Variants in PHC1 observed in about 807,000 individuals in gnomAD.
The protein encoded by PHC1 is polyhomeotic homolog 1.
Under a neutral mutation model 104.3 loss-of-function variants are expected in PHC1, and 12 were observed. The observed-to-expected ratio is 0.12, with a 90% confidence interval of 0.07 to 0.19. The LOEUF is 0.19. PHC1 is among the 10% of genes least tolerant of loss of function. PHC1 has a pLI of 1.00. For missense variants in PHC1, 671 were observed against 1,200.0 expected (o/e 0.56, Z 6.51); for synonymous variants, 302 against 455.8 (o/e 0.66, Z 4.30).
chr12:8,917,739 G>C lies in PHC1; in HGVS notation c.62G>C (p.Ser21Thr), dbSNP rs1262736941. Residue 21 changes from serine to threonine, a missense_variant, in exon 2 of 15, where the codon AGC becomes ACC. Ser to Thr is a moderately conservative substitution (Grantham distance 58). This residue lies in a region of PHC1 where 237 missense variants were observed against 331.1 expected (regional missense o/e 0.72). Transcript: ENST00000544916. ...AATGGGAGTTCTAGCTCAGGGGGCA[G>C]CTCTCGGCCCCAGATAGCTCAAATG... ...STNGSSSSGG[S>T]SRPQIAQMSL... 5.7e-6 allele frequency: 9 copies of C among 1,578,226 alleles called. No homozygotes were observed. The highest frequency in any genetic ancestry group is 7.7e-6 in the Non-Finnish European group (9 of 1,164,986).
At chr12:8,929,951 C>G (rs766013278) in intron 6 of PHC1, among the ~76,000 whole-genome samples, 2 of 152,292 alleles carry the variant, frequency 1.3e-5, no homozygotes, top group Admixed American at 1.3e-4. Context: ...CTTGATCTCC[C>G]TAGTCTTAGT....
rs750900992 is a variant in PHC1 at position 8,933,371 on chromosome 12, T to G, written c.1893+21T>G. ...TGCCGGTGAGTGATGTCTGATGGTTTTGAGGGCACTATTATGCATGAGAGT... is the reference window on the plus strand; with the variant it reads ...TGCCGGTGAGTGATGTCTGATGGTTGTGAGGGCACTATTATGCATGAGAGT... On this transcript the variant is annotated intron_variant, in intron 8 of 14. Transcript: ENST00000544916. 4 of 1,537,380 alleles carry G rather than the reference T, an allele frequency of 2.6e-6. No homozygotes were observed. In the African/African-American group the frequency reaches 5.4e-5, roughly 21 times the overall value.
Position 8,919,969 on chromosome 12 carries a change from G to A in PHC1, c.225+103G>A, listed in dbSNP as rs1487512249. ...ATAGCATCCTATACTAAGCCAGGCT[G>A]CAGACAGCCTCCTCCGCCTCCTGTC... On this transcript the variant is annotated intron_variant, in intron 3 of 14. Coordinates refer to ENST00000544916, the MANE Select transcript of PHC1 (RefSeq NM_004426.3). This position sits in a 1 kb window ranked among gnomAD's most constrained non-coding sequence, Gnocchi z 4.9. 13 of 1,508,310 alleles carry A rather than the reference G, an allele frequency of 8.6e-6. No homozygotes were observed. Among genetic ancestry groups the A allele is most frequent in the Non-Finnish European group, 1.2e-5 (13 of 1,112,602 alleles). 93.4% of individuals were successfully genotyped at this position (1,508,310 alleles called of 1,614,324 possible). A position where few individuals can be genotyped will look rare whatever the true frequency, so the allele number is the denominator to read the frequency against.
At chr12:8,925,044 C>T (rs1945478323) in intron 6 of PHC1, among the ~76,000 whole-genome samples, 1 of 152,132 alleles carries the variant, frequency 6.6e-6, no homozygotes, top group Non-Finnish European at 1.5e-5. Flanking sequence ...TCCGCTCATT[C>T]ATTCATCAGA....
chr12:8,935,499 G>A lies in PHC1; in HGVS notation c.2368+261G>A, dbSNP rs144892777. 1.3e-3 allele frequency among the ~76,000 whole-genome samples: 201 copies of A among 152,050 alleles called. 4 individuals carry two copies. The East Asian group carries it at 0.031, about 24-fold the overall frequency. On this transcript the variant is annotated intron_variant, in intron 11 of 14. Transcript: ENST00000544916. ...AAATTAGCCTGGTGTGGCAGCATGC[G>A]TCTATAGTCCCAGCTACTCGGGAGG...
intron 6 of PHC1, among the ~76,000 whole-genome samples, chr12:8,929,046 A>T (rs1001078783): frequency 2.6e-5 from 4 of 152,202 alleles, no homozygotes; most frequent in African/African-American, 9.7e-5. Context: ...TGTCTTGTGG[A>T]ATTCCTGGGT....
At position 8,940,005 on chromosome 12, in the gene PHC1, C is replaced by T; in HGVS notation, c.*546C>T. 5.0e-6 allele frequency: 2 copies of T among 400,340 alleles called. No homozygotes were observed. The highest frequency in any genetic ancestry group is 1.9e-5 in the South Asian group (1 of 53,590). The allele number at this position is 400,340 out of a possible 1,614,324, so 24.8% of individuals were successfully genotyped here. The stretch of plus-strand genomic sequence containing the variant: ...GTGATTGAATTTTTTCTCCTGCATC[C>T]ATGGCAGGATCCCCAGCCAGTATAG... On this transcript the variant is annotated 3_prime_UTR_variant, in exon 15 of 15. Transcript: ENST00000544916.
At chr12:8,923,298 G>T (rs932608995) in intron 6 of PHC1, among the ~76,000 whole-genome samples, 1 of 152,106 alleles carries the variant, frequency 6.6e-6, no homozygotes, top group African/African-American at 2.4e-5. Flanking sequence ...TACTTCTCAT[G>T]ACTTATTCCC....
intron 6 of PHC1, among the ~76,000 whole-genome samples, chr12:8,927,160 A>C (rs896246983): frequency 2.6e-5 from 4 of 152,204 alleles, no homozygotes; most frequent in African/African-American, 9.6e-5. Context: ...GGCAGGGGGC[A>C]TCTCTTTCTA....
At position 8,933,542 on chromosome 12, in the gene PHC1, T is replaced by TA. The variant is rs369681495; in HGVS notation, c.1893+193dup. 3.7e-4 allele frequency: 302 copies of TA among 825,754 alleles called. 1 individual carries two copies. In the African/African-American group the frequency reaches 4.8e-3, roughly 13 times the overall value. The allele number at this position is 825,754 out of a possible 1,614,324, so 51.2% of individuals were successfully genotyped here. Reference sequence around the variant, plus strand: ...TTTATACTCCTAAATTTGTTGCTGATACTATTCTGGGTTTTTGGGTATGTA... The same window carrying TA: ...TTTATACTCCTAAATTTGTTGCTGATAACTATTCTGGGTTTTTGGGTATGTA... On this transcript the variant is annotated intron_variant, in intron 8 of 14. Transcript: ENST00000544916.
At chr12:8,938,732 C>T (rs7968696) in intron 14 of PHC1, among the ~76,000 whole-genome samples, 5,209 of 152,274 alleles carry the variant, frequency 0.034, 307 homozygotes, top group African/African-American at 0.12. Context: ...TCTGTTCTCT[C>T]CCTTTCCCCT....
Position 8,937,291 on chromosome 12 carries a change from A to G in PHC1, c.2593A>G (p.Ile865Val), listed in dbSNP as rs1359055593. The G allele has an allele frequency of 3.1e-6, 5 of 1,611,278 alleles. No homozygotes were observed. Among genetic ancestry groups the G allele is most frequent in the East Asian group, 2.2e-5 (1 of 44,786 alleles). Residue 865 changes from isoleucine to valine, a missense_variant, in exon 13 of 15, where the codon ATT (isoleucine) becomes GTT (valine). Ile to Val is a conservative substitution (Grantham distance 29). Coordinates refer to ENST00000544916, the MANE Select transcript of PHC1 (RefSeq NM_004426.3). ...RRGPRRSSSDIARAKIQGKCH... is the reference protein window; with the variant it reads ...RRGPRRSSSDVARAKIQGKCH... ...TGGACCCCGCCGCAGCTCCTCTGAC[A>G]TTGCCCGTGCCAAGATTCAGGGCAA...
chr12:8,930,479 A>T lies in PHC1; in HGVS notation c.657A>T (p.Gly219=). 1 of 1,590,286 alleles carries T rather than the reference A, an allele frequency of 6.3e-7. No homozygotes were observed. The highest frequency in any genetic ancestry group is 1.8e-5 in the Admixed American group (1 of 56,458). ...AVRNQQASAQ[G]PQMQGSTQKA... ...GGAATCAACAGGCCTCAGCTCAAGG[A>T]CCTCAGATGCAAGGCTCCACTCAGA... The change falls in exon 7 of 15, where the codon GGA becomes GGT. Residue 219 remains glycine (G), a synonymous_variant. Coordinates refer to ENST00000544916, the MANE Select transcript of PHC1 (RefSeq NM_004426.3).
chr12:8,919,646 CCT>C lies in PHC1; in HGVS notation c.115-107_115-106del. ...GACGATTTAGCCCAAACTCCCATCT[CCT>C]CTGGTTTCTGTCCTTCCCATGGCCC... On this transcript the variant is annotated intron_variant, in intron 2 of 14. Transcript: ENST00000544916. The surrounding 1 kb of genome is among the most constrained non-coding windows in gnomAD (Gnocchi z 4.9). The C allele has an allele frequency of 9.0e-7, 1 of 1,109,734 alleles. No individual in the cohort carries two copies. The highest frequency in any genetic ancestry group is 1.3e-6 in the Non-Finnish European group (1 of 770,846). The allele number at this position is 1,109,734 out of a possible 1,614,324, so 68.7% of individuals were successfully genotyped here. A position where few individuals can be genotyped will look rare whatever the true frequency, so the allele number is the denominator to read the frequency against.
intron 6 of PHC1, among the ~76,000 whole-genome samples, chr12:8,924,059 C>T (rs1945446440): frequency 6.6e-6 from 1 of 152,114 alleles, no homozygotes; most frequent in Non-Finnish European, 1.5e-5. Flanking sequence ...TGAGTGTCTG[C>T]AGACTTTGAT....
At chr12:8,932,420 G>A (rs1945712160) in intron 7 of PHC1, 143 bp from the exon 8 acceptor site, 3 of 796,994 alleles carry the variant, frequency 3.8e-6, no homozygotes, top group Non-Finnish European at 6.0e-6. Context: ...TGATGTCCAA[G>A]TTTCATACTG....
In PHC1 at chr12:8,930,481, C is replaced by G. The variant is rs980232814; in HGVS notation, c.659C>G (p.Pro220Arg). ...VRNQQASAQGPQMQGSTQKAI... is the reference protein window; with the variant it reads ...VRNQQASAQGRQMQGSTQKAI... ...AATCAACAGGCCTCAGCTCAAGGAC[C>G]TCAGATGCAAGGCTCCACTCAGAAG... The change falls in exon 7 of 15, where the codon CCT becomes CGT. Residue 220 changes from proline to arginine, a missense_variant. Transcript: ENST00000544916. The G allele has an allele frequency of 6.3e-7, 1 of 1,587,388 alleles. No homozygotes were observed. The highest frequency in any genetic ancestry group is 8.6e-7 in the Non-Finnish European group (1 of 1,166,536).
upstream of PHC1, among the ~76,000 whole-genome samples, chr12:8,914,297 G>C (rs1262057763): frequency 6.6e-6 from 1 of 151,990 alleles, no homozygotes; most frequent in Non-Finnish European, 1.5e-5. Flanking sequence ...AGAAAGAAGG[G>C]GGTAAAAAAG....
At chr12:8,935,691 G>A (rs1237221407) in intron 11 of PHC1, among the ~76,000 whole-genome samples, 1 of 152,172 alleles carries the variant, frequency 6.6e-6, no homozygotes, top group Non-Finnish European at 1.5e-5. Flanking sequence ...ATCAGAGTAT[G>A]TAGAATCACG....
Sources: gnomAD v4.1 joint callset for allele counts (sites outside exome capture counted in the v4.1 genomes callset) on GRCh38, gnomAD v4.1.1 for gene constraint, gnomAD v4.1.1 regional missense constraint, Gnocchi (gnomAD v3.1) non-coding constraint, MANE v1.5 for transcripts, NCBI Gene and HGNC (gene_info 2026-07-23, HGNC 2026-07-21) for gene names.